Variants in DCAF6 observed in about 807,000 individuals in gnomAD.
DCAF6 encodes DDB1 and CUL4 associated factor 6, also known as DDB1- and CUL4-associated factor 6.
DCAF6 carries 54 observed loss-of-function variants against 125.1 expected under a neutral mutation model. That is an observed-to-expected ratio of 0.43 (90% confidence interval 0.35 to 0.54). The LOEUF (loss-of-function observed/expected upper bound fraction) is 0.54. Ranked by LOEUF, DCAF6 falls within the 20% of genes least tolerant of loss-of-function variation. DCAF6 has a pLI of 0.01. For missense variants in DCAF6, 934 were observed against 1,161.7 expected, an observed-to-expected ratio of 0.80 and a Z score of 2.85; for synonymous variants, 371 against 390.4, an observed-to-expected ratio of 0.95 and a Z score of 0.58.
the DCAF6 span, chr1:167,899,715 G>A: frequency 1.2e-3 from 1,567 of 1,272,802 alleles, 20 homozygotes; most frequent in African/African-American, 0.019. Context: ...CATAATCTTG[G>A]TGGGACTATA....
chr1:168,058,160 A>G (rs533724780), intron 17 of DCAF6, among the ~76,000 whole-genome samples: 1 of 152,296 alleles, frequency 6.6e-6, no homozygotes, highest in South Asian at 2.1e-4. Flanking sequence ...CTCTTGCCCA[A>G]TCATTTTTAC....
intron 19 of DCAF6, 134 bp from the exon 20 acceptor site, chr1:168,066,243 A>G (rs932007133): frequency 1.3e-5 from 6 of 462,626 alleles, no homozygotes; most frequent in African/African-American, 1.0e-4. Context: ...AATATTTTCA[A>G]TTAACAGTTA....
intron 2 of DCAF6, among the ~76,000 whole-genome samples, chr1:167,954,375 T>C (rs1674434964): frequency 6.6e-6 from 1 of 152,218 alleles, no homozygotes; most frequent in Non-Finnish European, 1.5e-5. Flanking sequence ...CTAATTACTT[T>C]TTGTTATTAT....
chr1:168,028,565 A>G lies in DCAF6; in HGVS notation c.1609+5518A>G, dbSNP rs182350187. On this transcript the variant is annotated intron_variant, in intron 12 of 21. Transcript: ENST00000367840. Reference sequence around the variant, plus strand: ...TAATTTGTAGGTATGAAAAATATCAATGTTAATTTTCCACTATGTATCATT... The same window carrying G: ...TAATTTGTAGGTATGAAAAATATCAGTGTTAATTTTCCACTATGTATCATT... 3.5e-4 allele frequency among the ~76,000 whole-genome samples: 54 copies of G among 152,308 alleles called. 1 individual carries two copies. In the East Asian group the frequency reaches 9.6e-3, roughly 27 times the overall value.
chr1:168,051,141 C>A (rs1270877548), intron 17 of DCAF6, among the ~76,000 whole-genome samples: 1 of 152,162 alleles, frequency 6.6e-6, no homozygotes, highest in Non-Finnish European at 1.5e-5. Flanking sequence ...AAGAAATTTC[C>A]TGTGTGCAGA....
chr1:168,014,102 A>G (rs965381941), intron 10 of DCAF6, among the ~76,000 whole-genome samples: 3 of 152,182 alleles, frequency 2.0e-5, no homozygotes, highest in Non-Finnish European at 4.4e-5. Context: ...CTCCACTAAT[A>G]GCAAGAGTTG....
At chr1:167,890,306 A>T in the DCAF6 span, among the ~76,000 whole-genome samples, 1 of 152,224 alleles carries the variant, frequency 6.6e-6, no homozygotes, top group African/African-American at 2.4e-5. Flanking sequence ...TTGCAGACTT[A>T]TAGAGGTACC....
At chr1:168,063,983 AT>A in intron 18 of DCAF6, 1 of 356,366 alleles carries the variant, frequency 2.8e-6, no homozygotes. Context: ...GATTAAAAAA[AT>A]TTTTAGTTTA....
chr1:167,899,371 G>T, the DCAF6 span: 1 of 1,563,682 alleles, frequency 6.4e-7, no homozygotes. Flanking sequence ...CTGGCAGGGG[G>T]CCTCTGTTAC....
chr1:167,992,002 T>G (rs887169833), intron 6 of DCAF6, among the ~76,000 whole-genome samples: 2 of 152,078 alleles, frequency 1.3e-5, no homozygotes, highest in Non-Finnish European at 2.9e-5. Context: ...CTGCTATTTT[T>G]CAATCAAGAA....
At chr1:167,934,186 A>C (rs1047675080), upstream of DCAF6, among the ~76,000 whole-genome samples, 2 of 152,244 alleles carry the variant, frequency 1.3e-5, no homozygotes, top group Non-Finnish European at 2.9e-5. Flanking sequence ...TATTTTAAGC[A>C]GTAATTACAG....
intron 1 of DCAF6, among the ~76,000 whole-genome samples, chr1:167,940,234 T>G (rs1436196912): frequency 6.6e-6 from 1 of 152,232 alleles, no homozygotes; most frequent in Non-Finnish European, 1.5e-5. Flanking sequence ...AAAGATATGT[T>G]TACTTAGAGC....
At chr1:167,881,508 G>T in the DCAF6 span, among the ~76,000 whole-genome samples, 1 of 152,234 alleles carries the variant, frequency 6.6e-6, no homozygotes, top group African/African-American at 2.4e-5. Context: ...CTAGGTACGT[G>T]CAAAGAGGGC....
chr1:167,900,505 T>C, the DCAF6 span, among the ~76,000 whole-genome samples: 505 of 151,564 alleles, frequency 3.3e-3, 3 homozygotes, highest in African/African-American at 0.012. Context: ...ATAACTTTGA[T>C]TTTTTTTTCA....
rs533812241 is a variant in DCAF6, at chr1:167,987,536, T to C, written c.480T>C (p.Cys160=). ...VPNDPYTFLS[C]GEDGTVRWFD... ...ATGACCCTTACACTTTTCTCTCTTG[T>C]GGTGAAGATGGAACTGTTAGGTGGT... The change falls in exon 5 of 22, where the codon TGT becomes TGC. Residue 160 remains cysteine, a synonymous_variant. Coordinates refer to ENST00000367840, the MANE Select transcript of DCAF6 (RefSeq NM_001198956.2). The C allele has an allele frequency of 3.7e-5, 60 of 1,606,948 alleles. 1 individual carries two copies. The South Asian group carries it at 5.8e-4, about 16-fold the overall frequency.
At chr1:167,993,022 A>G (rs1681090600) in intron 6 of DCAF6, among the ~76,000 whole-genome samples, 1 of 152,196 alleles carries the variant, frequency 6.6e-6, no homozygotes, top group Admixed American at 6.5e-5. Flanking sequence ...TTTTTTTGGT[A>G]GAGGTGTTAC....
At chr1:167,955,465 T>A (rs1229884316) in intron 2 of DCAF6, among the ~76,000 whole-genome samples, 1 of 151,914 alleles carries the variant, frequency 6.6e-6, no homozygotes, top group Non-Finnish European at 1.5e-5. Flanking sequence ...TTTAAAGACA[T>A]TCTAACAGGC....
chr1:168,014,097 C>T (rs1190623018), intron 10 of DCAF6, among the ~76,000 whole-genome samples: 3 of 152,178 alleles, frequency 2.0e-5, no homozygotes, highest in African/African-American at 7.2e-5. Context: ...CTGTTCTCCA[C>T]TAATAGCAAG....
chr1:167,921,387 A>G, the DCAF6 span, among the ~76,000 whole-genome samples: 2 of 151,944 alleles, frequency 1.3e-5, no homozygotes, highest in African/African-American at 4.8e-5. Flanking sequence ...ATGCCTGGCT[A>G]ATTTTTGTAT....
Sources: gnomAD v4.1 joint callset for allele counts (sites outside exome capture counted in the v4.1 genomes callset) on GRCh38, gnomAD v4.1.1 for gene constraint, MANE v1.5 for transcripts, NCBI Gene and HGNC (gene_info 2026-07-23, HGNC 2026-07-21) for gene names.